The following DNAH10 variants were observed in gnomAD, a reference collection of about 807,000 sequenced individuals.
The protein encoded by DNAH10 is axonemal beta dynein heavy chain 10.
A neutral mutation model predicts 506.6 loss-of-function variants in DNAH10; 348 were observed. The observed-to-expected ratio is 0.69, with a 90% CI of 0.63 to 0.75. The LOEUF (loss-of-function observed/expected upper bound fraction) is 0.75. Ranked by LOEUF, DNAH10 falls within the 30% of genes least tolerant of loss-of-function variation. The probability of loss-of-function intolerance (pLI) is 0.00; values close to 1 mark genes in which losing one functional copy is unlikely to be tolerated. For synonymous variants in DNAH10, 2,059 were observed against 2,198.6 expected (o/e 0.94, Z 1.78); for missense variants, 5,179 against 5,787.1 (o/e 0.89, Z 3.41).
chr12:123,788,023 G>A (rs1957930186), intron 10 of DNAH10, 21 bp downstream of exon 10: 2 of 1,553,198 alleles, frequency 1.3e-6, no homozygotes, highest in Non-Finnish European at 8.7e-7. Flanking sequence ...GGCGAAGGCC[G>A]GCGGAATTTG....
Position 123,785,636 on chromosome 12 carries a change from GAAAAAAA to G in DNAH10, c.1231-98_1231-92del, listed in dbSNP as rs35755869. ...CCTGGGCACCAGACTTGGTCTCAAG[GAAAAAAA>G]AAAAAAAAAAAGAGTGAAACTTCTT... On this transcript the variant is annotated intron_variant, in intron 8 of 78. Transcript: ENST00000673944. The surrounding 1 kb of genome is among the most constrained non-coding windows in gnomAD (Gnocchi z 4.1). 18 of 705,228 alleles carry G rather than the reference GAAAAAAA, an allele frequency of 2.6e-5. No homozygotes were observed. Among genetic ancestry groups the G allele is most frequent in the South Asian group, 1.3e-4 (3 of 22,340 alleles). 43.7% of individuals were successfully genotyped at this position (705,228 alleles called of 1,614,324 possible).
Position 123,860,346 on chromosome 12 carries a change from G to A in DNAH10, c.6750-666G>A, listed in dbSNP as rs568850203. Among the ~76,000 whole-genome samples, 15 of 152,334 alleles carry A rather than the reference G, an allele frequency of 9.8e-5. No homozygotes were observed. The South Asian group carries it at 2.9e-3, about 29-fold the overall frequency. Reference sequence around the variant, plus strand: ...TAAGTGGGCTGTGCCGTGGCCATCTGCATTTCATTCTTTAATTCATTCATT... The same window carrying A: ...TAAGTGGGCTGTGCCGTGGCCATCTACATTTCATTCTTTAATTCATTCATT... On this transcript the variant is annotated intron_variant, in intron 38 of 78. Transcript: ENST00000673944.
In DNAH10 at chr12:123,840,394, GTTTTTTTTTTT is replaced by G. The variant is rs71088961; in HGVS notation, c.5137-910_5137-900del. Among the ~76,000 whole-genome samples the G allele has an allele frequency of 3.5e-3, 133 of 37,802 alleles. 1 individual carries two copies. The East Asian group carries it at 0.045, about 13-fold the overall frequency. The allele number at this position is 37,802 out of a possible 152,430, so 24.8% of individuals were successfully genotyped here. A position where few individuals can be genotyped will look rare whatever the true frequency, so the allele number is the denominator to read the frequency against. Reference sequence around the variant, plus strand: ...AGGCTTCTTCAGTATTCTGTTTCCAGTTTTTTTTTTTTTTTTTTTTTTTTTTTTCAGACAGG... The same window carrying G: ...AGGCTTCTTCAGTATTCTGTTTCCAGTTTTTTTTTTTTTTTTTCAGACAGG... On this transcript the variant is annotated intron_variant, in intron 29 of 78. Transcript: ENST00000673944.
chr12:123,873,634 A>C lies in DNAH10; in HGVS notation c.7862A>C (p.Lys2621Thr). The C allele has an allele frequency of 6.2e-7, 1 of 1,613,922 alleles. No homozygotes were observed. The highest frequency in any genetic ancestry group is 8.5e-7 in the Non-Finnish European group (1 of 1,179,862). ...AGAAATTTAGAAGCAAATGTGGAAA[A>C]GCGAACCAAAGATACTTACGGCCCA... ...IQRNLEANVEKRTKDTYGPPM... is the reference protein window; with the variant it reads ...IQRNLEANVETRTKDTYGPPM... The change falls in exon 46 of 79, where the codon AAG becomes ACG. Residue 2621 changes from lysine to threonine, a missense_variant. By Grantham distance (78) the Lys-to-Thr change is moderately conservative (BLOSUM62 -1). Coordinates refer to ENST00000673944, the MANE Select transcript of DNAH10 (RefSeq NM_001372106.1).
At chr12:123,930,040 G>T in intron 72 of DNAH10, 1 of 555,504 alleles carries the variant, frequency 1.8e-6, no homozygotes, top group South Asian at 2.5e-5. Flanking sequence ...CTCACAGGAA[G>T]CATCCCCGGT....
Position 123,853,457 on chromosome 12 carries a change from TAA to T in DNAH10, c.6438+106_6438+107del. The T allele has an allele frequency of 7.2e-7, 1 of 1,390,682 alleles. No homozygotes were observed. Among genetic ancestry groups the T allele is most frequent in the Non-Finnish European group, 9.5e-7 (1 of 1,055,792 alleles). The allele number at this position is 1,390,682 out of a possible 1,614,324, so 86.1% of individuals were successfully genotyped here. On this transcript the variant is annotated intron_variant, in intron 36 of 78. Transcript: ENST00000673944. The surrounding 1 kb of genome is among the most constrained non-coding windows in gnomAD (Gnocchi z 4.7). ...ACAGTATGGTATCACCTGAAAGGTT[TAA>T]GTCTTAGCTGCCTCTTCACCCCGCG...
At chr12:123,763,563 CTTTT>C (rs35395990) in intron 1 of DNAH10, among the ~76,000 whole-genome samples, 3 of 129,510 alleles carry the variant, frequency 2.3e-5, no homozygotes, top group Admixed American at 7.9e-5. Flanking sequence ...TATTTTTTAA[CTTTT>C]TTTTTTTTTT....
chr12:123,808,722 T>A, intron 18 of DNAH10, 75 bp from the exon 19 acceptor site: 1 of 1,525,918 alleles, frequency 6.6e-7, no homozygotes, highest in East Asian at 2.3e-5. Context: ...GTGGCCCTGG[T>A]CATTTCCATC....
chr12:123,797,294 A>G (rs1374555821), intron 13 of DNAH10, among the ~76,000 whole-genome samples: 1 of 152,194 alleles, frequency 6.6e-6, no homozygotes. Context: ...GAAGCAGCTC[A>G]ATTTCAGACC....
chr12:123,813,060 G>A, intron 19 of DNAH10, 104 bp from the exon 20 acceptor site: 2 of 761,354 alleles, frequency 2.6e-6, no homozygotes, highest in Non-Finnish European at 4.2e-6. Context: ...ATAATAAAGT[G>A]ATTTTCCATT....
intron 73 of DNAH10, among the ~76,000 whole-genome samples, 162 bp downstream of exon 73, chr12:123,930,735 CTGAT>C (rs1218085672): frequency 2.0e-5 from 3 of 152,256 alleles, no homozygotes; most frequent in Admixed American, 6.5e-5. Flanking sequence ...GCAGAGCTGA[CTGAT>C]AGAGTTCAGA....
Position 123,848,599 on chromosome 12 carries a change from G to T in DNAH10, c.5950-131G>T, listed in dbSNP as rs186406382. ...GCCAGAAAAATCCACTAGTCAAGTG[G>T]CTGGTCACCTGCTTCTCTGCCAATC... On this transcript the variant is annotated intron_variant, in intron 33 of 78. Coordinates refer to ENST00000673944, the MANE Select transcript of DNAH10 (RefSeq NM_001372106.1). The T allele has an allele frequency of 1.2e-4, 161 of 1,288,958 alleles. No individual in the cohort carries two copies. The African/African-American group carries it at 2.1e-3, about 17-fold the overall frequency. The allele number at this position is 1,288,958 out of a possible 1,614,324, so 79.8% of individuals were successfully genotyped here.
Position 123,935,564 on chromosome 12 carries a change from TCTCAA to T in DNAH10, c.*84_*88del. The T allele has an allele frequency of 7.1e-7, 1 of 1,403,190 alleles. No individual in the cohort carries two copies. The highest frequency in any genetic ancestry group is 9.7e-7 in the Non-Finnish European group (1 of 1,032,954). The allele number at this position is 1,403,190 out of a possible 1,614,324, so 86.9% of individuals were successfully genotyped here. A position where few individuals can be genotyped will look rare whatever the true frequency, so the allele number is the denominator to read the frequency against. ...GGGTCTGCTGTCATTTCTTGGGGCC[TCTCAA>T]GAGGCAGGAGGGGGACTGACACTGA... On this transcript the variant is annotated 3_prime_UTR_variant, in exon 79 of 79. Coordinates refer to ENST00000673944, the MANE Select transcript of DNAH10 (RefSeq NM_001372106.1).
chr12:123,880,714 A>G (rs1449220962), intron 50 of DNAH10, among the ~76,000 whole-genome samples: 2 of 150,982 alleles, frequency 1.3e-5, no homozygotes, highest in Admixed American at 6.6e-5. Context: ...GGTTTGTTAC[A>G]TACGTATACA....
At chr12:123,816,748 A>G (rs1384038264) in intron 21 of DNAH10, among the ~76,000 whole-genome samples, 1 of 152,184 alleles carries the variant, frequency 6.6e-6, no homozygotes, top group African/African-American at 2.4e-5. Flanking sequence ...TGCAACTGGC[A>G]TCTGAAGTGA....
rs1178001014 is a variant in DNAH10, at chr12:123,916,944, G to A, written c.11002+208G>A. The stretch of plus-strand genomic sequence containing the variant: ...CACCTGTCATGAGTCACGCTGAGAC[G>A]GGGCCGTGGGCTTATGTGTTCACAC... On this transcript the variant is annotated intron_variant, in intron 63 of 78. Transcript: ENST00000673944. The surrounding 1 kb of genome is among the most constrained non-coding windows in gnomAD (Gnocchi z 4.6). 1.3e-5 allele frequency among the ~76,000 whole-genome samples: 2 copies of A among 152,204 alleles called. No homozygotes were observed. The highest frequency in any genetic ancestry group is 4.8e-5 in the African/African-American group (2 of 41,444).
intron 21 of DNAH10, among the ~76,000 whole-genome samples, chr12:123,815,145 G>A (rs1317440106): frequency 6.6e-6 from 1 of 152,140 alleles, no homozygotes; most frequent in African/African-American, 2.4e-5. Context: ...ACATCCTGTA[G>A]TATTGAGTTT....
intron 4 of DNAH10, 140 bp from the exon 5 acceptor site, chr12:123,774,009 T>A: frequency 1.6e-6 from 1 of 624,066 alleles, no homozygotes; most frequent in African/African-American, 1.8e-5. Context: ...TAAACACAAA[T>A]AGGGGATATT....
chr12:123,880,955 C>A (rs1007029543), intron 50 of DNAH10, among the ~76,000 whole-genome samples: 57 of 151,962 alleles, frequency 3.8e-4, no homozygotes, highest in African/African-American at 1.3e-3. Flanking sequence ...CCAGCTTCAT[C>A]CATGTCCCTA....
Sources: allele counts gnomAD v4.1 joint callset (sites outside exome capture counted in the v4.1 genomes callset), GRCh38; gene constraint gnomAD v4.1.1; non-coding constraint Gnocchi (gnomAD v3.1); transcripts MANE v1.5; gene names NCBI Gene and HGNC (gene_info 2026-07-23, HGNC 2026-07-21).